WIPF1: variants seen among roughly 807,000 people sequenced by gnomAD.
WIPF1 encodes the protein WAS/WASL-interacting protein family member 1.
WIPF1 carries 13 observed loss-of-function variants against 35.4 expected under a neutral mutation model. That is an observed-to-expected ratio of 0.37 (90% CI 0.24 to 0.58). The LOEUF (loss-of-function observed/expected upper bound fraction) is 0.58. Among genes scored for constraint, WIPF1 ranks in the 20% least tolerant of loss-of-function variants. The pLI is 0.74. For synonymous variants in WIPF1, 267 were observed against 266.3 expected, an observed-to-expected ratio of 1.00 and a Z score of -0.02; for missense variants, 591 against 667.0, an observed-to-expected ratio of 0.89 and a Z score of 1.25.
intron 1 of WIPF1, chr2:174,665,678 A>G (rs1184736251): frequency 6.6e-6 from 1 of 152,236 alleles, no homozygotes; most frequent in East Asian, 1.9e-4. Flanking sequence ...GTAAACATGG[A>G]AATTGTTTTA....
At chr2:174,661,158 G>A (rs1228266337) in intron 1 of WIPF1, among the ~76,000 whole-genome samples, 1 of 152,254 alleles carries the variant, frequency 6.6e-6, no homozygotes, top group East Asian at 1.9e-4. Flanking sequence ...CTGCAACAGG[G>A]AGGCCAGCGT....
chr2:174,581,329 T>G lies in WIPF1; in HGVS notation c.162A>C (p.Arg54Ser). 6.2e-7 allele frequency: 1 copy of G among 1,614,110 alleles called. No homozygotes were observed. Among genetic ancestry groups the G allele is most frequent in the Non-Finnish European group, 8.5e-7 (1 of 1,179,976 alleles). The change falls in exon 3 of 8, where the codon AGA becomes AGC. Residue 54 changes from arginine (R) to serine (S), a missense_variant. Transcript: ENST00000679041. ...ACTTACTGTCCAGTATTGGTGCACT[T>G]CTGTCATTGGTGACCGTCTTCTTTA... ...KKLKKTVTND[R>S]SAPILDKPKG...
chr2:174,589,033 C>T (rs900025568), intron 1 of WIPF1, among the ~76,000 whole-genome samples: 7 of 152,154 alleles, frequency 4.6e-5, no homozygotes, highest in African/African-American at 1.2e-4. Context: ...CTGCTGGGCA[C>T]GGTCTGGACT....
At chr2:174,630,301 T>C (rs1313046553) in intron 1 of WIPF1, 1 of 152,226 alleles carries the variant, frequency 6.6e-6, no homozygotes. Context: ...GGTAAGTGTC[T>C]AGCTAGTTAG....
chr2:174,606,942 G>A lies in WIPF1; in HGVS notation c.-38-21331C>T, dbSNP rs189569233. 1.4e-3 allele frequency among the ~76,000 whole-genome samples: 206 copies of A among 152,302 alleles called. 3 individuals are homozygous for A. The highest frequency in any genetic ancestry group is 0.013 in the Admixed American group (206 of 15,294). On this transcript the variant is annotated intron_variant, in intron 1 of 8. Coordinates refer to the WIPF1 transcript ENST00000272746. Reference sequence around the variant, plus strand: ...ATGCTGAGAAGTCCAAGGTCGAGGGGCCACATCTGGTGAGGGCCTTCTTGC... The same window carrying A: ...ATGCTGAGAAGTCCAAGGTCGAGGGACCACATCTGGTGAGGGCCTTCTTGC...
intron 1 of WIPF1, among the ~76,000 whole-genome samples, chr2:174,629,399 T>C (rs1490335057): frequency 6.6e-6 from 1 of 152,150 alleles, no homozygotes; most frequent in Non-Finnish European, 1.5e-5. Context: ...TATTAAATGC[T>C]CTGGGGAAGA....
intron 1 of WIPF1, among the ~76,000 whole-genome samples, chr2:174,643,946 C>T (rs977084597): frequency 1.3e-5 from 2 of 152,156 alleles, no homozygotes; most frequent in Admixed American, 1.3e-4. Flanking sequence ...TTTTGCTATA[C>T]ATATGACTCC....
chr2:174,572,843 T>C (rs893987696), intron 4 of WIPF1, among the ~76,000 whole-genome samples: 5 of 152,200 alleles, frequency 3.3e-5, no homozygotes, highest in African/African-American at 1.2e-4. Flanking sequence ...CCAGCCCTTG[T>C]ACCTCTCAGT....
At chr2:174,657,092 G>A (rs1687655079) in intron 1 of WIPF1, among the ~76,000 whole-genome samples, 1 of 152,188 alleles carries the variant, frequency 6.6e-6, no homozygotes, top group South Asian at 2.1e-4. Flanking sequence ...GCACATCTCA[G>A]AATGAGAAGA....
At chr2:174,592,888 G>A (rs1685667206) in intron 1 of WIPF1, among the ~76,000 whole-genome samples, 1 of 152,116 alleles carries the variant, frequency 6.6e-6, no homozygotes, top group Non-Finnish European at 1.5e-5. Flanking sequence ...TAATAGGCAT[G>A]AGCCACCATG....
At chr2:174,614,847 T>G (rs112551241) in intron 1 of WIPF1, among the ~76,000 whole-genome samples, 1,603 of 152,278 alleles carry the variant, frequency 0.011, 30 homozygotes, top group African/African-American at 0.037. Flanking sequence ...CTTTCCAACC[T>G]CTGTTTGCAC....
At chr2:174,594,429 T>C (rs1348198463) in intron 1 of WIPF1, among the ~76,000 whole-genome samples, 2 of 152,180 alleles carry the variant, frequency 1.3e-5, no homozygotes, top group African/African-American at 4.8e-5. Context: ...TTAATACAAA[T>C]TCACAGACAT....
intron 1 of WIPF1, among the ~76,000 whole-genome samples, chr2:174,672,499 T>G (rs1326527803): frequency 6.6e-6 from 1 of 152,220 alleles, no homozygotes; most frequent in Admixed American, 6.5e-5. Flanking sequence ...AAATATAAAT[T>G]GATCTTTATA....
chr2:174,632,235 A>C (rs970827208), intron 1 of WIPF1, among the ~76,000 whole-genome samples: 2 of 152,158 alleles, frequency 1.3e-5, no homozygotes, highest in African/African-American at 2.4e-5. Context: ...TCGTTCTTTC[A>C]GAACCTGGGG....
At chr2:174,621,281 G>T (rs145489774) in intron 1 of WIPF1, among the ~76,000 whole-genome samples, 1,638 of 152,254 alleles carry the variant, frequency 0.011, 35 homozygotes, top group African/African-American at 0.036. Flanking sequence ...AGATGTGTGG[G>T]TGTCATTAAT....
chr2:174,649,943 A>G (rs1687499150), intron 1 of WIPF1, among the ~76,000 whole-genome samples: 1 of 152,220 alleles, frequency 6.6e-6, no homozygotes, highest in Non-Finnish European at 1.5e-5. Context: ...ATAACAGACT[A>G]GAACCTGTGC....
chr2:174,643,381 T>C (rs1687338882), intron 1 of WIPF1, among the ~76,000 whole-genome samples: 1 of 149,240 alleles, frequency 6.7e-6, no homozygotes, highest in Non-Finnish European at 1.5e-5. Context: ...TTCATTTGTA[T>C]TTTAAATTTT....
chr2:174,605,137 A>G (rs2105888425), intron 1 of WIPF1, among the ~76,000 whole-genome samples: 1 of 152,336 alleles, frequency 6.6e-6, no homozygotes, highest in East Asian at 1.9e-4. Flanking sequence ...AGGTACAGCA[A>G]TCAAAAGCAA....
intron 1 of WIPF1, among the ~76,000 whole-genome samples, chr2:174,628,049 T>C (rs773805647): frequency 2.6e-5 from 4 of 152,200 alleles, no homozygotes; most frequent in Admixed American, 2.0e-4. Flanking sequence ...AGCGTTATCA[T>C]AGAGGTCCCC....
Sources: allele counts gnomAD v4.1 joint callset (sites outside exome capture counted in the v4.1 genomes callset), GRCh38; gene constraint gnomAD v4.1.1; transcripts MANE v1.5; gene names NCBI Gene and HGNC (gene_info 2026-07-23, HGNC 2026-07-21).